CFAP52: variants seen among roughly 807,000 people sequenced by gnomAD.
CFAP52 encodes the protein cilia and flagella associated protein 52.
In CFAP52, 57 loss-of-function variants were observed where a neutral mutation model predicts 70.5. The ratio of observed to expected loss-of-function variants is 0.81; its 90% CI spans 0.65 to 1.01. CFAP52 has a LOEUF of 1.01. CFAP52 is among the 50% of genes least tolerant of loss of function. The pLI, the probability that CFAP52 is intolerant of heterozygous loss-of-function variation, is 0.00. For synonymous variants in CFAP52, 267 were observed against 292.5 expected (o/e 0.91, Z 0.89); for missense variants, 785 against 788.5 (o/e 1.00, Z 0.05).
chr17:9,623,284 A>G (rs1466284413), intron 8 of CFAP52, among the ~76,000 whole-genome samples: 1 of 152,182 alleles, frequency 6.6e-6, no homozygotes, highest in Non-Finnish European at 1.5e-5. Flanking sequence ...AGCATGATAT[A>G]TCTTTTTTAA....
In CFAP52 at chr17:9,595,016, A is replaced by G. The variant is rs554669598; in HGVS notation, c.536+695A>G. Among the ~76,000 whole-genome samples, 290 of 149,156 alleles carry G rather than the reference A, an allele frequency of 1.9e-3. 1 individual carries two copies. The highest frequency in any genetic ancestry group is 7.0e-3 in the African/African-American group (283 of 40,516). Reference sequence around the variant, plus strand: ...AGCAATTCTCCTGCCTCAGCCTCCCAAGTACCTGGGATTACAGGTGCCCGC... The same window carrying G: ...AGCAATTCTCCTGCCTCAGCCTCCCGAGTACCTGGGATTACAGGTGCCCGC... On this transcript the variant is annotated intron_variant, in intron 4 of 13. Coordinates refer to ENST00000352665, the MANE Select transcript of CFAP52 (RefSeq NM_145054.5).
intron 1 of CFAP52, 78 bp downstream of exon 1, chr17:9,576,843 C>A (rs1185177898): frequency 4.2e-6 from 6 of 1,442,366 alleles, no homozygotes; most frequent in Non-Finnish European, 4.7e-6. Context: ...TAGTGAGACA[C>A]CGGGGACACC....
chr17:9,586,162 C>T (rs568934906), intron 2 of CFAP52, among the ~76,000 whole-genome samples, 190 bp downstream of exon 2: 1 of 152,100 alleles, frequency 6.6e-6, no homozygotes, highest in African/African-American at 2.4e-5. Context: ...ATTTTATACC[C>T]GAGGTTGCAG....
In CFAP52 at chr17:9,632,952, C is replaced by T. The variant is rs755972760; in HGVS notation, c.1239C>T (p.Asn413=). 6.2e-7 allele frequency: 1 copy of T among 1,614,210 alleles called. No individual in the cohort carries two copies. The highest frequency in any genetic ancestry group is 8.5e-7 in the Non-Finnish European group (1 of 1,180,034). Residue 413 remains asparagine, a synonymous_variant, in exon 10 of 14, where the codon AAC becomes AAT. Transcript: ENST00000352665. ...CAGGCCGACTGATGTATGTCATTAA[C>T]AATGCTCACAGGATCGGCGTCACCG... The part of the protein sequence containing the change: ...PETGRLMYVI[N]NAHRIGVTAI...
At chr17:9,616,241 C>T (rs915996269) in intron 8 of CFAP52, among the ~76,000 whole-genome samples, 24 of 148,190 alleles carry the variant, frequency 1.6e-4, no homozygotes, top group Non-Finnish European at 2.7e-4. Context: ...GGGTGACGGA[C>T]GCACCTGGAA....
At position 9,638,712 on chromosome 17, in the gene CFAP52, G is replaced by T; in HGVS notation, c.1575+1G>T. 6.2e-7 allele frequency: 1 copy of T among 1,613,898 alleles called. No individual in the cohort carries two copies. The highest frequency in any genetic ancestry group is 8.5e-7 in the Non-Finnish European group (1 of 1,179,796). On this transcript the variant is annotated splice_donor_variant, in intron 12 of 13. Coordinates refer to ENST00000352665, the MANE Select transcript of CFAP52 (RefSeq NM_145054.5). LOFTEE classifies it high-confidence loss of function. ...CATCACCAGCGGAACAGACAGAAAGGTGAGTCCTCCCAGTGAGAGATGAGA... is the reference window on the plus strand; with the variant it reads ...CATCACCAGCGGAACAGACAGAAAGTTGAGTCCTCCCAGTGAGAGATGAGA...
chr17:9,600,164 C>G lies in CFAP52; in HGVS notation c.734C>G (p.Ala245Gly). Residue 245 changes from alanine (A) to glycine (G), a missense_variant, in exon 6 of 14, where the codon GCG (alanine) becomes GGG (glycine). By Grantham distance (60) the Ala-to-Gly change is moderately conservative. Transcript: ENST00000352665. ...RTKLLTDVGP[A>G]KDKFSLGVSA... ...AAACTGCTGACAGATGTTGGGCCTG[C>G]GAAGGACAAATTCAGTTTGGTGAGT... is the stretch of plus-strand genomic sequence containing the variant. 6.2e-7 allele frequency: 1 copy of G among 1,613,840 alleles called. No individual in the cohort carries two copies. The highest frequency in any genetic ancestry group is 8.5e-7 in the Non-Finnish European group (1 of 1,179,830).
chr17:9,642,322 G>A (rs563244974), intron 13 of CFAP52, among the ~76,000 whole-genome samples: 6 of 152,188 alleles, frequency 3.9e-5, no homozygotes, highest in Non-Finnish European at 7.3e-5. Context: ...TGATTCATCA[G>A]GATATTAACA....
chr17:9,576,701 T>G lies in CFAP52; in HGVS notation c.6T>G (p.Asp2Glu). 1.2e-6 allele frequency: 2 copies of G among 1,612,008 alleles called. No individual in the cohort carries two copies. Among genetic ancestry groups the G allele is most frequent in the Non-Finnish European group, 1.7e-6 (2 of 1,179,014 alleles). M[D>E]NKISPEAQVA... The stretch of plus-strand genomic sequence containing the variant: ...GTAATCAGAACCTCCCAAGGATGGA[T>G]AACAAAATTTCGCCGGAGGCCCAAG... The change falls in exon 1 of 14, where the codon GAT becomes GAG. Residue 2 changes from aspartate (D) to glutamate (E), a missense_variant. By Grantham distance (45) the Asp-to-Glu change is conservative. Coordinates refer to ENST00000352665, the MANE Select transcript of CFAP52 (RefSeq NM_145054.5).
intron 7 of CFAP52, among the ~76,000 whole-genome samples, chr17:9,609,594 G>T (rs532093724): frequency 1.2e-4 from 19 of 152,150 alleles, no homozygotes; most frequent in Non-Finnish European, 2.4e-4. Flanking sequence ...TACTCAGGAG[G>T]CTGAAGCGGG....
intron 9 of CFAP52, 117 bp downstream of exon 9, chr17:9,628,937 A>C (rs1597791712): frequency 3.5e-6 from 5 of 1,434,162 alleles, no homozygotes; most frequent in Admixed American, 1.9e-5. Flanking sequence ...CCCACTGTCC[A>C]CCCCCTTCTT....
Position 9,613,889 on chromosome 17 carries a change from C to T in CFAP52, c.1025+1410C>T, listed in dbSNP as rs144929134. ...GAATCCCTGTGATTAGGTCTTTCCA[C>T]GTTATTTCTAACAGTGAAAATGGCT... On this transcript the variant is annotated intron_variant, in intron 8 of 13. Coordinates refer to ENST00000352665, the MANE Select transcript of CFAP52 (RefSeq NM_145054.5). 6.4e-4 allele frequency among the ~76,000 whole-genome samples: 60 copies of T among 93,404 alleles called. 1 individual carries two copies. Among genetic ancestry groups the T allele is most frequent in the African/African-American group, 1.5e-3 (55 of 35,748 alleles). The allele number at this position is 93,404 out of a possible 152,430, so 61.3% of individuals were successfully genotyped here.
chr17:9,633,009 C>A lies in CFAP52; in HGVS notation c.1296C>A (p.Val432=). 6.2e-7 allele frequency: 1 copy of A among 1,613,862 alleles called. No homozygotes were observed. Among genetic ancestry groups the A allele is most frequent in the South Asian group, 1.1e-5 (1 of 90,978 alleles). ...CCACCACCAGTGACTGTAAAAGGGTCATCAGTGGCGGTGGGGAAGGGGAGG... is the reference window on the plus strand; with the variant it reads ...CCACCACCAGTGACTGTAAAAGGGTAATCAGTGGCGGTGGGGAAGGGGAGG... ...AIATTSDCKR[V]ISGGGEGEVR... Residue 432 remains valine (V), a synonymous_variant, in exon 10 of 14, where the codon GTC becomes GTA. Coordinates refer to ENST00000352665, the MANE Select transcript of CFAP52 (RefSeq NM_145054.5).
chr17:9,614,770 ATCAGACGCGAGTAGCAGC>A (rs1208782825), intron 8 of CFAP52, among the ~76,000 whole-genome samples: 11 of 152,304 alleles, frequency 7.2e-5, no homozygotes, highest in African/African-American at 2.4e-4. Flanking sequence ...GGCTCTACCC[ATCAGACGCGAGTAGCAGC>A]TCCTTCCCTG....
intron 9 of CFAP52, 101 bp from the exon 10 acceptor site, chr17:9,632,787 C>T: frequency 1.3e-6 from 2 of 1,500,594 alleles, no homozygotes; most frequent in Non-Finnish European, 1.8e-6. Context: ...TCCAGCACAG[C>T]ACCACTCACC....
At chr17:9,603,648 C>T (rs139631637) in intron 6 of CFAP52, among the ~76,000 whole-genome samples, 122 of 152,260 alleles carry the variant, frequency 8.0e-4, no homozygotes, top group African/African-American at 2.8e-3. Context: ...CAAACTGATT[C>T]TACAGTTTAC....
At chr17:9,595,999 ATAGT>A (rs1908982896) in intron 4 of CFAP52, among the ~76,000 whole-genome samples, 1 of 147,318 alleles carries the variant, frequency 6.8e-6, no homozygotes, top group Admixed American at 6.8e-5. Context: ...ATATACATAC[ATAGT>A]TATATATATG....
At chr17:9,635,323 G>A in intron 10 of CFAP52, 82 bp from the exon 11 acceptor site, 1 of 1,565,618 alleles carries the variant, frequency 6.4e-7, no homozygotes, top group Non-Finnish European at 8.7e-7. Flanking sequence ...GCATAGCAAA[G>A]GGGAAAAAGC....
intron 11 of CFAP52, among the ~76,000 whole-genome samples, chr17:9,637,886 A>G (rs998327595): frequency 1.3e-5 from 2 of 152,126 alleles, no homozygotes; most frequent in African/African-American, 4.8e-5. Flanking sequence ...CATAATACCC[A>G]TTTTAAAAAT....
Sources: gnomAD v4.1 joint callset for allele counts (sites outside exome capture counted in the v4.1 genomes callset) on GRCh38, gnomAD v4.1.1 for gene constraint, MANE v1.5 for transcripts, NCBI Gene and HGNC (gene_info 2026-07-23, HGNC 2026-07-21) for gene names.